GABRB2: variants seen among roughly 807,000 people sequenced by gnomAD.
GABRB2 encodes the protein gamma-aminobutyric acid type A receptor subunit beta2.
A neutral mutation model predicts 54.7 loss-of-function variants in GABRB2; 16 were observed. The observed-to-expected ratio is 0.29, with a 90% confidence interval of 0.20 to 0.44. GABRB2 has a LOEUF of 0.44. GABRB2 is among the 20% of genes least tolerant of loss of function. The probability of loss-of-function intolerance (pLI) is 1.00; values close to 1 mark genes in which losing one functional copy is unlikely to be tolerated. For synonymous variants in GABRB2, 244 were observed against 233.8 expected (o/e 1.04, Z -0.40); for missense variants, 355 against 644.0 (o/e 0.55, Z 4.86).
chr5:161,430,200 C>T (rs1757137027), intron 4 of GABRB2, among the ~76,000 whole-genome samples: 1 of 152,086 alleles, frequency 6.6e-6, no homozygotes, highest in Non-Finnish European at 1.5e-5. Context: ...CAACACCAAA[C>T]TAAAACTCAC....
intron 4 of GABRB2, among the ~76,000 whole-genome samples, chr5:161,439,390 G>T (rs150860702): frequency 1.9e-4 from 29 of 152,232 alleles, no homozygotes; most frequent in Non-Finnish European, 3.4e-4. Flanking sequence ...TGTCTTACAA[G>T]AAATGTTATA....
At chr5:161,509,325 C>T (rs1759695639) in intron 3 of GABRB2, among the ~76,000 whole-genome samples, 1 of 151,942 alleles carries the variant, frequency 6.6e-6, no homozygotes, top group Non-Finnish European at 1.5e-5. Context: ...TTTGTAAATA[C>T]AGTCCAGCAA....
intron 3 of GABRB2, among the ~76,000 whole-genome samples, chr5:161,500,540 G>T (rs1238405717): frequency 6.6e-6 from 1 of 152,052 alleles, no homozygotes; most frequent in African/African-American, 2.4e-5. Flanking sequence ...CATTTCTGTT[G>T]TCCTTGTTGT....
chr5:161,415,604 T>C (rs909935682), intron 4 of GABRB2, among the ~76,000 whole-genome samples: 4 of 152,158 alleles, frequency 2.6e-5, no homozygotes, highest in Non-Finnish European at 5.9e-5. Context: ...TTGGGTTTTT[T>C]GTTTGTTTGC....
chr5:161,498,416 G>A (rs1759323318), intron 3 of GABRB2, among the ~76,000 whole-genome samples: 1 of 151,864 alleles, frequency 6.6e-6, no homozygotes, highest in African/African-American at 2.4e-5. Flanking sequence ...TTGGCTTTGA[G>A]ATGCTGGAGC....
intron 3 of GABRB2, 34 bp from the exon 4 acceptor site, chr5:161,459,878 T>C (rs771121524): frequency 1.5e-6 from 2 of 1,330,304 alleles, no homozygotes; most frequent in Non-Finnish European, 2.2e-6. Flanking sequence ...ATGGTTAGTT[T>C]ACACCCAGAC....
intron 5 of GABRB2, among the ~76,000 whole-genome samples, chr5:161,388,838 C>T (rs140049198): frequency 6.1e-4 from 93 of 151,898 alleles, no homozygotes; most frequent in Non-Finnish European, 1.2e-3. Flanking sequence ...TTTCAGAGTA[C>T]AATAGTTAGG....
chr5:161,365,907 A>G (rs1754958261), intron 5 of GABRB2, among the ~76,000 whole-genome samples: 1 of 151,824 alleles, frequency 6.6e-6, no homozygotes, highest in Non-Finnish European at 1.5e-5. Context: ...GGGAATAGCT[A>G]TTTCTTTCTC....
intron 4 of GABRB2, among the ~76,000 whole-genome samples, chr5:161,429,233 T>C (rs910221644): frequency 1.3e-5 from 2 of 149,516 alleles, no homozygotes; most frequent in African/African-American, 4.9e-5. Flanking sequence ...TGTAATCCCA[T>C]CTACTTAGGA....
intron 4 of GABRB2, among the ~76,000 whole-genome samples, chr5:161,430,731 G>T (rs1757149359): frequency 6.6e-6 from 1 of 152,136 alleles, no homozygotes; most frequent in Non-Finnish European, 1.5e-5. Flanking sequence ...GTTCTGATGT[G>T]AGTACTTATG....
At chr5:161,486,545 T>C (rs1367521162) in intron 3 of GABRB2, among the ~76,000 whole-genome samples, 1 of 151,946 alleles carries the variant, frequency 6.6e-6, no homozygotes, top group African/African-American at 2.4e-5. Context: ...CTTCCAGGCA[T>C]ACCATCTCAG....
At chr5:161,358,201 G>A (rs1045902046) in intron 5 of GABRB2, among the ~76,000 whole-genome samples, 3 of 152,148 alleles carry the variant, frequency 2.0e-5, no homozygotes, top group Non-Finnish European at 4.4e-5. Context: ...ATCAAAGAAG[G>A]AAAATGTATT....
chr5:161,459,870 G>A, intron 3 of GABRB2, 26 bp from the exon 4 acceptor site: 1 of 1,453,272 alleles, frequency 6.9e-7, no homozygotes, highest in Non-Finnish European at 9.7e-7. Flanking sequence ...AAAAAAACAT[G>A]GTTAGTTTAC....
At chr5:161,326,519 T>C (rs183854295) in intron 8 of GABRB2, 38 bp from the exon 9 acceptor site, 5 of 1,601,808 alleles carry the variant, frequency 3.1e-6, no homozygotes, top group African/African-American at 2.7e-5. Flanking sequence ...ATTAAGTCGA[T>C]TGATGCTACT....
At chr5:161,487,384 C>T (rs1000108014) in intron 3 of GABRB2, among the ~76,000 whole-genome samples, 2 of 151,840 alleles carry the variant, frequency 1.3e-5, no homozygotes, top group Non-Finnish European at 2.9e-5. Flanking sequence ...CATTGTCATT[C>T]CCATTGCCCA....
chr5:161,457,612 A>T (rs532615332), intron 4 of GABRB2, among the ~76,000 whole-genome samples: 20 of 151,700 alleles, frequency 1.3e-4, no homozygotes, highest in African/African-American at 3.4e-4. Context: ...CGCCCAGCAA[A>T]TTTTTTTTAA....
intron 9 of GABRB2, among the ~76,000 whole-genome samples, chr5:161,314,346 G>A (rs1216891728): frequency 6.6e-6 from 1 of 152,192 alleles, no homozygotes; most frequent in Non-Finnish European, 1.5e-5. Flanking sequence ...GAAATTTTCT[G>A]CAGTAGAAGC....
intron 3 of GABRB2, among the ~76,000 whole-genome samples, chr5:161,474,057 T>C (rs1334503572): frequency 6.6e-6 from 1 of 151,930 alleles, no homozygotes; most frequent in Non-Finnish European, 1.5e-5. Flanking sequence ...CATGCAAAGC[T>C]ATGAAGAAAG....
chr5:161,426,863 T>C (rs1379154342), intron 4 of GABRB2, among the ~76,000 whole-genome samples: 4 of 151,932 alleles, frequency 2.6e-5, no homozygotes, highest in Admixed American at 6.6e-5. Flanking sequence ...AAAAAGAAAA[T>C]TGATAACAGG....
Sources: gnomAD v4.1 joint callset for allele counts (sites outside exome capture counted in the v4.1 genomes callset) on GRCh38, gnomAD v4.1.1 for gene constraint, MANE v1.5 for transcripts, NCBI Gene and HGNC (gene_info 2026-07-23, HGNC 2026-07-21) for gene names.